FGF14: variants seen among roughly 807,000 people sequenced by gnomAD.
FGF14 encodes fibroblast growth factor homologous factor 4.
FGF14 carries 5 observed loss-of-function variants against 25.5 expected under a neutral mutation model. That is an observed-to-expected ratio of 0.20 (90% confidence interval 0.10 to 0.41). The LOEUF is 0.41. FGF14 is among the 10% of genes least tolerant of loss of function. The probability of loss-of-function intolerance (pLI) is 1.00; values close to 1 mark genes in which losing one functional copy is unlikely to be tolerated. For missense variants in FGF14, 222 were observed against 320.1 expected, an observed-to-expected ratio of 0.69 and a Z score of 2.34; for synonymous variants, 138 against 118.3, an observed-to-expected ratio of 1.17 and a Z score of -1.08.
chr13:102,056,908 A>G (rs951810460), intron 1 of FGF14, among the ~76,000 whole-genome samples: 5 of 151,148 alleles, frequency 3.3e-5, no homozygotes, highest in Admixed American at 1.3e-4. Flanking sequence ...TGAATTTTAG[A>G]AAAGTAATGA....
In FGF14 at chr13:102,270,681, T is replaced by C. The variant is rs1356783220; in HGVS notation, c.208+130790A>G. Among the ~76,000 whole-genome samples the C allele has an allele frequency of 3.9e-5, 6 of 152,166 alleles. 1 individual carries two copies. Among genetic ancestry groups the C allele is most frequent in the African/African-American group, 7.2e-5 (3 of 41,452 alleles). ...GACATATAGACATATATATTGTACATTGCATTGTATTTTATGTCTGGGTAT... is the reference window on the plus strand; with the variant it reads ...GACATATAGACATATATATTGTACACTGCATTGTATTTTATGTCTGGGTAT... On this transcript the variant is annotated intron_variant, in intron 1 of 4. Coordinates refer to the FGF14 transcript ENST00000376131.
intron 1 of FGF14, among the ~76,000 whole-genome samples, chr13:102,171,411 A>G (rs2048239218): frequency 6.6e-6 from 1 of 152,192 alleles, no homozygotes; most frequent in Non-Finnish European, 1.5e-5. Context: ...ATGACAAATG[A>G]TAATGTAGCT....
Position 101,718,651 on chromosome 13 carries a change from C to T in FGF14, c.*4180G>A, listed in dbSNP as rs921839896. 1.3e-5 allele frequency: 2 copies of T among 151,914 alleles called. No individual in the cohort carries two copies. Among genetic ancestry groups the T allele is most frequent in the African/African-American group, 4.8e-5 (2 of 41,378 alleles). The allele number at this position is 151,914 out of a possible 1,614,324, so 9.4% of individuals were successfully genotyped here. On this transcript the variant is annotated 3_prime_UTR_variant, in exon 5 of 5. Coordinates refer to ENST00000376143, the MANE Select transcript of FGF14 (RefSeq NM_004115.4). ...AGTCATAAGAGGAGAGCCATTATAC[C>T]CGTTGTCTTTCTGGGCTCCTTGAGT...
rs1461130144 is a variant in FGF14 at position 101,722,406 on chromosome 13, T to TCTAA, written c.*421_*424dup. The TCTAA allele has an allele frequency of 1.1e-5, 3 of 284,988 alleles. No homozygotes were observed. The highest frequency in any genetic ancestry group is 3.7e-5 in the South Asian group (1 of 27,006). The allele number at this position is 284,988 out of a possible 1,614,324, so 17.7% of individuals were successfully genotyped here. On this transcript the variant is annotated 3_prime_UTR_variant, in exon 5 of 5. Coordinates refer to ENST00000376143, the MANE Select transcript of FGF14 (RefSeq NM_004115.4). ...TCCGTAATAGCACAGGTTTACAGCG[T>TCTAA]CTAACTAGAAATTACTCAATATTAT...
At chr13:102,343,294 T>C (rs2057007883) in intron 1 of FGF14, among the ~76,000 whole-genome samples, 1 of 152,152 alleles carries the variant, frequency 6.6e-6, no homozygotes, top group Non-Finnish European at 1.5e-5. Flanking sequence ...GGCAGATTAT[T>C]GGTGCAAAGG....
intron 1 of FGF14, among the ~76,000 whole-genome samples, chr13:101,889,159 A>T (rs2046141287): frequency 6.6e-6 from 1 of 152,128 alleles, no homozygotes. Flanking sequence ...TGAGAAACAC[A>T]TTTCTGTTAT....
intron 3 of FGF14, among the ~76,000 whole-genome samples, chr13:101,750,893 AC>A (rs2037226309): frequency 6.6e-6 from 1 of 152,140 alleles, no homozygotes; most frequent in African/African-American, 2.4e-5. Flanking sequence ...AATATGAGAA[AC>A]CTTAAATGCA....
At chr13:101,859,377 G>A (rs765901311) in intron 3 of FGF14, among the ~76,000 whole-genome samples, 3 of 152,024 alleles carry the variant, frequency 2.0e-5, no homozygotes, top group Non-Finnish European at 2.9e-5. Flanking sequence ...TAACTTAACT[G>A]TTGTCTATTG....
At chr13:102,293,316 T>C (rs571154145) in intron 1 of FGF14, 10 of 152,382 alleles carry the variant, frequency 6.6e-5, no homozygotes, top group African/African-American at 1.9e-4. Context: ...TGCTGATAGA[T>C]GCAGGATCAG....
intron 1 of FGF14, among the ~76,000 whole-genome samples, chr13:102,216,765 A>T (rs929177596): frequency 2.0e-5 from 3 of 152,034 alleles, no homozygotes; most frequent in Non-Finnish European, 4.4e-5. Flanking sequence ...CTCCTATCTA[A>T]CCATAGCTTA....
At chr13:102,362,398 C>T (rs1453144412) in intron 1 of FGF14, among the ~76,000 whole-genome samples, 4 of 152,244 alleles carry the variant, frequency 2.6e-5, no homozygotes, top group Non-Finnish European at 4.4e-5. Flanking sequence ...AACTTCTCTC[C>T]ACCAAACTGA....
At chr13:102,122,343 A>G (rs890797568) in intron 1 of FGF14, among the ~76,000 whole-genome samples, 1 of 152,126 alleles carries the variant, frequency 6.6e-6, no homozygotes, top group African/African-American at 2.4e-5. Context: ...AATCCTAATC[A>G]CATCTCATCC....
intron 1 of FGF14, among the ~76,000 whole-genome samples, chr13:102,054,455 T>C (rs1476401088): frequency 6.6e-6 from 1 of 152,180 alleles, no homozygotes; most frequent in Non-Finnish European, 1.5e-5. Flanking sequence ...TATAAGACAA[T>C]GAATGAAGCA....
At chr13:102,123,932 C>T (rs1469598993) in intron 1 of FGF14, among the ~76,000 whole-genome samples, 1 of 152,164 alleles carries the variant, frequency 6.6e-6, no homozygotes, top group Non-Finnish European at 1.5e-5. Flanking sequence ...TGCTTAAGAT[C>T]ATTCAGCACT....
At chr13:101,950,551 G>C (rs1001172240) in intron 1 of FGF14, among the ~76,000 whole-genome samples, 1 of 152,146 alleles carries the variant, frequency 6.6e-6, no homozygotes, top group Non-Finnish European at 1.5e-5. Flanking sequence ...TTGCATAACT[G>C]TCAACTCAGT....
intron 1 of FGF14, among the ~76,000 whole-genome samples, chr13:101,942,971 CA>C (rs2035549550): frequency 6.6e-6 from 1 of 152,288 alleles, no homozygotes; most frequent in African/African-American, 2.4e-5. Flanking sequence ...GCAGTGGGCT[CA>C]AAATAGAACC....
At chr13:102,090,647 G>A (rs1010306643) in intron 1 of FGF14, among the ~76,000 whole-genome samples, 9 of 152,306 alleles carry the variant, frequency 5.9e-5, no homozygotes, top group East Asian at 1.9e-4. Flanking sequence ...AGTAGGCCAC[G>A]TCCTCTGCGT....
chr13:102,128,421 G>A (rs1245849733), intron 1 of FGF14, among the ~76,000 whole-genome samples: 1 of 152,208 alleles, frequency 6.6e-6, no homozygotes. Context: ...TCCCCGCGGT[G>A]TTACTGTTAA....
intron 1 of FGF14, among the ~76,000 whole-genome samples, chr13:102,079,802 G>T (rs911104190): frequency 6.6e-6 from 1 of 152,132 alleles, no homozygotes; most frequent in Admixed American, 6.5e-5. Context: ...GGTGATAAGA[G>T]GGAAGGCATT....
Sources: allele counts gnomAD v4.1 joint callset (sites outside exome capture counted in the v4.1 genomes callset), GRCh38; gene constraint gnomAD v4.1.1; transcripts MANE v1.5; gene names NCBI Gene and HGNC (gene_info 2026-07-23, HGNC 2026-07-21).